The following RNF220 variants were observed in gnomAD, a reference collection of about 807,000 sequenced individuals.
RNF220 encodes ring finger protein 220, also known as E3 ubiquitin-protein ligase RNF220.
Under a neutral mutation model 67.1 loss-of-function variants are expected in RNF220, and 7 were observed. That is an observed-to-expected ratio of 0.10 (90% CI 0.06 to 0.20). The LOEUF (loss-of-function observed/expected upper bound fraction) is 0.20, where lower values mean the gene tolerates loss of function less well. Among genes scored for constraint, RNF220 ranks in the 10% least tolerant of loss-of-function variants. RNF220 has a pLI of 1.00. For synonymous variants in RNF220, 270 were observed against 283.2 expected (o/e 0.95, Z 0.47); for missense variants, 565 against 740.3 (o/e 0.76, Z 2.75).
intron 2 of RNF220, among the ~76,000 whole-genome samples, chr1:44,610,616 AGAGAGGAACACTC>A (rs1211517044): frequency 6.6e-6 from 1 of 152,162 alleles, no homozygotes. Flanking sequence ...CATGAGCTGG[AGAGAGGAACACTC>A]GAGAGGATGC....
intron 2 of RNF220, among the ~76,000 whole-genome samples, chr1:44,574,054 G>A (rs1287625482): frequency 6.6e-6 from 1 of 152,210 alleles, no homozygotes; most frequent in Non-Finnish European, 1.5e-5. Context: ...GGGAGATGGA[G>A]GCTGTCATGC....
At position 44,479,198 on chromosome 1, in the gene RNF220, C is replaced by T. The variant is rs976251052; in HGVS notation, c.625+66476C>T. 5.3e-5 allele frequency among the ~76,000 whole-genome samples: 8 copies of T among 151,652 alleles called. 1 individual carries two copies. Among genetic ancestry groups the T allele is most frequent in the Non-Finnish European group, 1.2e-4 (8 of 67,954 alleles). ...TGGCGCATTCTCGGCTCACTGCAAC[C>T]TCCGCCTCCCGGGTTCACGCCATTC... On this transcript the variant is annotated intron_variant, in intron 2 of 14. Transcript: ENST00000361799.
chr1:44,474,978 T>C (rs1655165895), intron 2 of RNF220, among the ~76,000 whole-genome samples: 1 of 152,082 alleles, frequency 6.6e-6, no homozygotes, highest in African/African-American at 2.4e-5. Flanking sequence ...CGCAGTGATA[T>C]ACAATTGGAG....
rs931264312 is a variant in RNF220 at position 44,412,459 on chromosome 1, G to A, written c.362G>A (p.Arg121Gln). ...AATCATAGTGGTGTGGGGGCTTTCCGGCCCTTTGCCTCCACCGAGGACCGG... is the reference window on the plus strand; with the variant it reads ...AATCATAGTGGTGTGGGGGCTTTCCAGCCCTTTGCCTCCACCGAGGACCGG... ...MLNHSGVGAF[R>Q]PFASTEDRES... Residue 121 changes from arginine to glutamine, a missense_variant, in exon 2 of 15, where the codon CGG becomes CAG. Transcript: ENST00000361799. The surrounding 1 kb of genome is among the most constrained non-coding windows in gnomAD (Gnocchi z 5.3). 1.2e-6 allele frequency: 2 copies of A among 1,611,400 alleles called. No homozygotes were observed. The highest frequency in any genetic ancestry group is 2.2e-5 in the East Asian group (1 of 44,806).
intron 2 of RNF220, among the ~76,000 whole-genome samples, chr1:44,522,088 T>C (rs1469930472): frequency 1.3e-5 from 2 of 152,184 alleles, no homozygotes; most frequent in African/African-American, 4.8e-5. Flanking sequence ...CTACTCTGTC[T>C]TGGCCAGACT....
chr1:44,597,583 C>T (rs1666607605), intron 2 of RNF220, among the ~76,000 whole-genome samples: 1 of 151,882 alleles, frequency 6.6e-6, no homozygotes, highest in Admixed American at 6.6e-5. Context: ...TCTTTTCATA[C>T]ACAACATGTC....
chr1:44,628,537 G>A (rs991934483), intron 5 of RNF220, among the ~76,000 whole-genome samples: 12 of 152,272 alleles, frequency 7.9e-5, no homozygotes, highest in Admixed American at 3.9e-4. Flanking sequence ...GCACACCTCC[G>A]AAAGGGCAAA....
chr1:44,432,818 A>G (rs1650533887), intron 2 of RNF220, among the ~76,000 whole-genome samples: 1 of 151,754 alleles, frequency 6.6e-6, no homozygotes, highest in South Asian at 2.1e-4. Flanking sequence ...CCCCACAGAA[A>G]TATTTTGTTG....
intron 2 of RNF220, among the ~76,000 whole-genome samples, chr1:44,487,975 T>G (rs934956363): frequency 2.0e-4 from 1 of 5,070 alleles, no homozygotes; most frequent in Non-Finnish European, 2.6e-3. Context: ...GGCACTGCGA[T>G]TTTTTTTTTT....
intron 2 of RNF220, among the ~76,000 whole-genome samples, chr1:44,571,812 CT>C (rs1411867590): frequency 1.3e-5 from 2 of 152,180 alleles, no homozygotes; most frequent in Non-Finnish European, 2.9e-5. Context: ...ATTTTTCTCC[CT>C]TCTTTAGCTC....
chr1:44,445,019 A>G (rs1651935832), intron 2 of RNF220, among the ~76,000 whole-genome samples: 1 of 152,150 alleles, frequency 6.6e-6, no homozygotes, highest in African/African-American at 2.4e-5. Context: ...TCATGTTCCC[A>G]CTAGTACTTG....
intron 3 of RNF220, 82 bp downstream of exon 3, chr1:44,614,379 G>T: frequency 6.6e-7 from 1 of 1,514,918 alleles, no homozygotes; most frequent in South Asian, 1.2e-5. Context: ...CAGCCGCCTG[G>T]CCCATACCCC....
intron 2 of RNF220, among the ~76,000 whole-genome samples, chr1:44,435,024 C>A: frequency 9.5e-6 from 1 of 105,518 alleles, no homozygotes; most frequent in Admixed American, 1.1e-4. Flanking sequence ...AAGATCCTGT[C>A]TCTTAAAAAA....
intron 12 of RNF220, among the ~76,000 whole-genome samples, chr1:44,646,239 T>C (rs964937411): frequency 6.6e-6 from 1 of 152,264 alleles, no homozygotes; most frequent in Non-Finnish European, 1.5e-5. Flanking sequence ...CATCTTTGCC[T>C]CCTGCCAGGA....
At chr1:44,510,528 T>C (rs1410715218) in intron 2 of RNF220, among the ~76,000 whole-genome samples, 3 of 152,196 alleles carry the variant, frequency 2.0e-5, no homozygotes, top group Non-Finnish European at 2.9e-5. Flanking sequence ...AGGCTTTGCT[T>C]TTCAGGACAT....
chr1:44,474,841 G>A (rs80033684), intron 2 of RNF220, among the ~76,000 whole-genome samples: 8,292 of 152,288 alleles, frequency 0.054, 291 homozygotes, highest in Middle Eastern at 0.12. Flanking sequence ...AAAAGGATAT[G>A]TGAAGGTCAT....
chr1:44,542,128 C>T (rs964772130), intron 2 of RNF220, among the ~76,000 whole-genome samples: 9 of 152,200 alleles, frequency 5.9e-5, no homozygotes, highest in African/African-American at 1.7e-4. Context: ...GATGCCAGCA[C>T]TGGGCCAAGA....
Position 44,565,388 on chromosome 1 carries a change from G to A in RNF220, c.626-48777G>A, listed in dbSNP as rs1663920047. On this transcript the variant is annotated intron_variant, in intron 2 of 14. Transcript: ENST00000361799. This position sits in a 1 kb window ranked among gnomAD's most constrained non-coding sequence, Gnocchi z 4.2. ...AGAGGGACCACCATGGGTCGGGCAAGCACCTCAGCCAGGGAGTAATGGAGT... is the reference window on the plus strand; with the variant it reads ...AGAGGGACCACCATGGGTCGGGCAAACACCTCAGCCAGGGAGTAATGGAGT... Among the ~76,000 whole-genome samples, 1 of 152,192 alleles carries A rather than the reference G, an allele frequency of 6.6e-6. No individual in the cohort carries two copies. Among genetic ancestry groups the A allele is most frequent in the Admixed American group, 6.5e-5 (1 of 15,288 alleles).
At chr1:44,474,657 T>C (rs1424881319) in intron 2 of RNF220, among the ~76,000 whole-genome samples, 1 of 147,520 alleles carries the variant, frequency 6.8e-6, no homozygotes, top group Non-Finnish European at 1.5e-5. Flanking sequence ...TGCAGTGAGC[T>C]ATGATCACAC....
Sources: allele counts gnomAD v4.1 joint callset (sites outside exome capture counted in the v4.1 genomes callset), GRCh38; gene constraint gnomAD v4.1.1; non-coding constraint Gnocchi (gnomAD v3.1); transcripts MANE v1.5; gene names NCBI Gene and HGNC (gene_info 2026-07-23, HGNC 2026-07-21).